DOP1B: variants seen among roughly 807,000 people sequenced by gnomAD.
DOP1B encodes the protein protein DOP1B.
DOP1B carries 174 observed loss-of-function variants against 233.5 expected under a neutral mutation model. That is an observed-to-expected ratio of 0.75 (90% CI 0.66 to 0.85). The LOEUF is 0.85. DOP1B is among the 40% of genes least tolerant of loss of function. DOP1B has a pLI of 0.00. For missense variants in DOP1B, 2,652 were observed against 2,846.6 expected (o/e 0.93, Z 1.56); for synonymous variants, 1,190 against 1,185.6 (o/e 1.00, Z -0.08).
In DOP1B at chr21:36,186,373, T is replaced by C. The variant is rs578111956; in HGVS notation, c.139-12697T>C. ...TGTGTGTATATGTATGCAGTGTGTA[T>C]GTGTGGAGTGTGTGCATGTGTGTAC... On this transcript the variant is annotated intron_variant, in intron 2 of 36. Coordinates refer to ENST00000691173, the MANE Select transcript of DOP1B (RefSeq NM_001320714.2). Among the ~76,000 whole-genome samples, 42 of 152,088 alleles carry C rather than the reference T, an allele frequency of 2.8e-4. No individual in the cohort carries two copies. The East Asian group carries it at 4.3e-3, about 15-fold the overall frequency.
Position 36,232,963 on chromosome 21 carries a change from G to A in DOP1B, c.2510G>A (p.Arg837His), listed in dbSNP as rs187475888. The change falls in exon 15 of 37, where the codon CGC becomes CAC. Residue 837 changes from arginine (R) to histidine (H), a missense_variant. By Grantham distance (29) the Arg-to-His change is conservative (BLOSUM62 0). This residue lies in a region of DOP1B where 2,617 missense variants were observed against 2,794.3 expected (regional missense o/e 0.94). Transcript: ENST00000691173. Reference protein sequence around the residue: ...LALVIEDKMKRYKSSGHNPFF... With the variant: ...LALVIEDKMKHYKSSGHNPFF... ...CTTGTCATTGAAGACAAGATGAAAC[G>A]CTATAAGAGCTCTGGACACAACCCT... 7.4e-6 allele frequency: 12 copies of A among 1,614,070 alleles called. No homozygotes were observed. Among genetic ancestry groups the A allele is most frequent in the South Asian group, 6.6e-5 (6 of 91,080 alleles).
At chr21:36,292,347 C>T in intron 36 of DOP1B, 114 bp downstream of exon 36, 1 of 799,926 alleles carries the variant, frequency 1.3e-6, no homozygotes, top group Non-Finnish European at 1.9e-6. Context: ...GCCTCCACCT[C>T]CCAGGTTCAA....
chr21:36,220,593 T>G (rs1215585591), intron 10 of DOP1B, among the ~76,000 whole-genome samples: 1 of 151,924 alleles, frequency 6.6e-6, no homozygotes, highest in Non-Finnish European at 1.5e-5. Flanking sequence ...CTCAGTCTCC[T>G]GGGCTCAAGC....
chr21:36,211,420 C>A, intron 5 of DOP1B, 133 bp from the exon 6 acceptor site: 2 of 772,184 alleles, frequency 2.6e-6, no homozygotes, highest in South Asian at 3.4e-5. Flanking sequence ...CCCACACCCT[C>A]CTGACCTGTG....
rs760453207 is a variant in DOP1B at position 36,248,515 on chromosome 21, G to T, written c.4945G>T (p.Asp1649Tyr). 2.5e-6 allele frequency: 4 copies of T among 1,614,034 alleles called. No individual in the cohort carries two copies. The highest frequency in any genetic ancestry group is 3.4e-6 in the Non-Finnish European group (4 of 1,179,968). Residue 1649 changes from aspartate to tyrosine, a missense_variant, in exon 21 of 37, where the codon GAT becomes TAT. This residue lies in a region of DOP1B where 2,617 missense variants were observed against 2,794.3 expected (regional missense o/e 0.94). Coordinates refer to ENST00000691173, the MANE Select transcript of DOP1B (RefSeq NM_001320714.2). Reference sequence around the variant, plus strand: ...GGAGGAGACTCAAAAGAGACCTGTCGATCTCCTAGGGGCCACGAAGGGATC... The same window carrying T: ...GGAGGAGACTCAAAAGAGACCTGTCTATCTCCTAGGGGCCACGAAGGGATC... ...RKEETQKRPVDLLGATKGSSS... is the reference protein window; with the variant it reads ...RKEETQKRPVYLLGATKGSSS...
Position 36,246,234 on chromosome 21 carries a change from C to A in DOP1B, c.4254C>A (p.Leu1418=). ...HHGRALPEDS[L]FEESLINLGQ... is the part of the protein sequence containing the mutation. ...GCAGGGCCCTGCCAGAGGACAGCCT[C>A]TTTGAGGAGAGTCTCATTAACTTGG... Residue 1418 remains leucine (L), a synonymous_variant, in exon 19 of 37, where the codon CTC becomes CTA. Transcript: ENST00000691173. The surrounding 1 kb of genome is among the most constrained non-coding windows in gnomAD (Gnocchi z 5.1). 1 of 1,613,926 alleles carries A rather than the reference C, an allele frequency of 6.2e-7. No homozygotes were observed. The highest frequency in any genetic ancestry group is 2.2e-5 in the East Asian group (1 of 44,880).
At position 36,239,805 on chromosome 21, in the gene DOP1B, G is replaced by A. The variant is rs1161600638; in HGVS notation, c.2917G>A (p.Gly973Ser). Residue 973 changes from glycine (G) to serine (S), a missense_variant, in exon 18 of 37, where the codon GGT becomes AGT. Physicochemically the swap from Gly to Ser is moderately conservative, Grantham distance 56 (BLOSUM62 0). Coordinates refer to ENST00000691173, the MANE Select transcript of DOP1B (RefSeq NM_001320714.2). ...VVLDSLACTDGAIGAAAQGWL... is the reference protein window; with the variant it reads ...VVLDSLACTDSAIGAAAQGWL... ...GCTGGACAGCCTGGCCTGCACGGATGGTGCCATCGGTGCGGCAGCCCAGGG... is the reference window on the plus strand; with the variant it reads ...GCTGGACAGCCTGGCCTGCACGGATAGTGCCATCGGTGCGGCAGCCCAGGG... The A allele has an allele frequency of 2.6e-6, 4 of 1,560,050 alleles. No homozygotes were observed. The highest frequency in any genetic ancestry group is 2.3e-5 in the South Asian group (2 of 85,120).
rs777803061 is a variant in DOP1B, at chr21:36,237,325, G to A, written c.2686G>A (p.Val896Ile). ...GACCCGGGAGCATCACGTCACCTGC[G>A]TAGAATTGTTCTACCGGCTGCACTG... Reference protein sequence around the residue: ...KETREHHVTCVELFYRLHCLA... With the variant: ...KETREHHVTCIELFYRLHCLA... Residue 896 changes from valine to isoleucine, a missense_variant, in exon 16 of 37, where the codon GTA becomes ATA. By Grantham distance (29) the Val-to-Ile change is conservative. Coordinates refer to ENST00000691173, the MANE Select transcript of DOP1B (RefSeq NM_001320714.2). 31 of 1,614,072 alleles carry A rather than the reference G, an allele frequency of 1.9e-5. No homozygotes were observed. The highest frequency in any genetic ancestry group is 6.7e-5 in the East Asian group (3 of 44,896).
At chr21:36,216,478 G>A (rs1344715307) in intron 9 of DOP1B, among the ~76,000 whole-genome samples, 1 of 152,054 alleles carries the variant, frequency 6.6e-6, no homozygotes, top group Non-Finnish European at 1.5e-5. Context: ...AGGCATGACA[G>A]TGCACACCTA....
At chr21:36,227,401 G>T (rs777957948) in intron 12 of DOP1B, among the ~76,000 whole-genome samples, 2 of 151,238 alleles carry the variant, frequency 1.3e-5, no homozygotes, top group Non-Finnish European at 1.5e-5. Flanking sequence ...CAAAAAATTA[G>T]CCGGGCGTGG....
intron 2 of DOP1B, among the ~76,000 whole-genome samples, chr21:36,179,516 G>C (rs963900485): frequency 6.6e-6 from 1 of 152,192 alleles, no homozygotes; most frequent in Non-Finnish European, 1.5e-5. Flanking sequence ...AAAGATCACT[G>C]TAAGAATCTT....
intron 2 of DOP1B, among the ~76,000 whole-genome samples, chr21:36,177,838 AG>A (rs2066049753): frequency 6.6e-6 from 1 of 152,220 alleles, no homozygotes; most frequent in South Asian, 2.1e-4. Context: ...AACTGTAAAA[AG>A]TAAATTTATT....
intron 27 of DOP1B, among the ~76,000 whole-genome samples, chr21:36,273,588 A>T (rs2067315602): frequency 6.6e-6 from 1 of 152,068 alleles, no homozygotes; most frequent in African/African-American, 2.4e-5. Flanking sequence ...GTGCTGAGAG[A>T]TGAAAGACAA....
chr21:36,166,430 C>G (rs899660069), intron 2 of DOP1B, among the ~76,000 whole-genome samples: 1 of 151,050 alleles, frequency 6.6e-6, no homozygotes, highest in East Asian at 2.0e-4. Context: ...GAGCAAGACT[C>G]CGTCTCAAAA....
Position 36,293,938 on chromosome 21 carries a change from C to T in DOP1B, c.*367C>T, listed in dbSNP as rs775061561. On this transcript the variant is annotated 3_prime_UTR_variant, in exon 37 of 37. Transcript: ENST00000691173. ...TGGAGGCTGCAGTGAGCCGAGATCA[C>T]GACACTGCACTCCAGCTGTGTGACA... 4.2e-4 allele frequency: 82 copies of T among 194,486 alleles called. No homozygotes were observed. Among genetic ancestry groups the T allele is most frequent in the African/African-American group, 1.7e-3 (73 of 42,192 alleles). 12.0% of individuals were successfully genotyped at this position (194,486 alleles called of 1,614,324 possible).
intron 26 of DOP1B, among the ~76,000 whole-genome samples, chr21:36,264,334 C>T (rs1367396119): frequency 6.6e-6 from 1 of 152,114 alleles, no homozygotes; most frequent in Non-Finnish European, 1.5e-5. Context: ...ATCCCTTGAG[C>T]CTGGGAGGTT....
chr21:36,164,982 C>A, intron 2 of DOP1B, 111 bp downstream of exon 2: 2 of 924,644 alleles, frequency 2.2e-6, no homozygotes, highest in Admixed American at 4.2e-5. Flanking sequence ...ATCTTTATAT[C>A]ATTACATATT....
At position 36,211,536 on chromosome 21, in the gene DOP1B, C is replaced by T. The variant is rs200225744; in HGVS notation, c.682-17C>T. 2.6e-4 allele frequency: 423 copies of T among 1,610,198 alleles called. 1 individual carries two copies. In the African/African-American group the frequency reaches 5.1e-3, roughly 20 times the overall value. On this transcript the variant is annotated splice_polypyrimidine_tract_variant and intron_variant, in intron 5 of 36. Transcript: ENST00000691173. ...AAGAGTAGCCTGAAAATGCTAGTGCCGTTTGATCGTTTACAGGTGAAGTCT... is the reference window on the plus strand; with the variant it reads ...AAGAGTAGCCTGAAAATGCTAGTGCTGTTTGATCGTTTACAGGTGAAGTCT...
chr21:36,221,371 T>C (rs1034970842), intron 10 of DOP1B, among the ~76,000 whole-genome samples: 2 of 151,744 alleles, frequency 1.3e-5, no homozygotes, highest in African/African-American at 4.8e-5. Context: ...GGGCCATGCC[T>C]GTAGTCCCAG....
Sources: allele counts gnomAD v4.1 joint callset (sites outside exome capture counted in the v4.1 genomes callset), GRCh38; gene constraint gnomAD v4.1.1; regional missense constraint gnomAD v4.1.1; non-coding constraint Gnocchi (gnomAD v3.1); transcripts MANE v1.5; gene names NCBI Gene and HGNC (gene_info 2026-07-23, HGNC 2026-07-21).